Variants in CROCC2 observed in about 807,000 individuals in gnomAD.
CROCC2 encodes the protein ciliary rootlet coiled-coil, rootletin family member 2.
Under a neutral mutation model 177.6 loss-of-function variants are expected in CROCC2, and 163 were observed. That is an observed-to-expected ratio of 0.92 (90% CI 0.81 to 1.05). The LOEUF is 1.05. Among genes scored for constraint, CROCC2 ranks in the 50% least tolerant of loss-of-function variants. The pLI is 0.00. For synonymous variants in CROCC2, 904 were observed against 787.3 expected, an observed-to-expected ratio of 1.15 and a Z score of -2.48; for missense variants, 1,929 against 1,797.8, an observed-to-expected ratio of 1.07 and a Z score of -1.32.
rs2059728180 is a variant in CROCC2, at chr2:240,972,461, C to T, written c.4401+4199C>T. 6.6e-6 allele frequency among the ~76,000 whole-genome samples: 1 copy of T among 152,094 alleles called. No individual in the cohort carries two copies. Among genetic ancestry groups the T allele is most frequent in the Non-Finnish European group, 1.5e-5 (1 of 68,034 alleles). On this transcript the variant is annotated intron_variant, in intron 27 of 31. Coordinates refer to ENST00000690015, the MANE Select transcript of CROCC2 (RefSeq NM_001351305.2). The surrounding 1 kb of genome is among the most constrained non-coding windows in gnomAD (Gnocchi z 7.1). ...TCCCCGGGTCCCCCAGCCACAGCAACCCTCTTCCCTGAGGTCCTGGTAGTA... is the reference window on the plus strand; with the variant it reads ...TCCCCGGGTCCCCCAGCCACAGCAATCCTCTTCCCTGAGGTCCTGGTAGTA...
chr2:240,971,850 A>G (rs2059723119), intron 27 of CROCC2, among the ~76,000 whole-genome samples: 1 of 152,094 alleles, frequency 6.6e-6, no homozygotes, highest in South Asian at 2.1e-4. Flanking sequence ...CCAAGGTCCC[A>G]GGAGAATTTC....
At chr2:240,934,717 A>C (rs2059456148) in intron 12 of CROCC2, among the ~76,000 whole-genome samples, 199 bp from the exon 13 acceptor site, 1 of 151,798 alleles carries the variant, frequency 6.6e-6, no homozygotes. Context: ...ACCACCAGCC[A>C]CCTCCTCTGG....
At position 240,916,760 on chromosome 2, in the gene CROCC2, C is replaced by A. The variant is rs572357221; in HGVS notation, c.79-1966C>A. ...TGCCCGGGGGAGCGCAGGGCGGGAG[C>A]TGCTGAGCAGGCGGAGGGAGGGCGG... is the stretch of plus-strand genomic sequence containing the variant. On this transcript the variant is annotated intron_variant, in intron 1 of 31. Coordinates refer to ENST00000690015, the MANE Select transcript of CROCC2 (RefSeq NM_001351305.2). Among the ~76,000 whole-genome samples, 3 of 152,368 alleles carry A rather than the reference C, an allele frequency of 2.0e-5. No individual in the cohort carries two copies. In the South Asian group the frequency reaches 6.2e-4, roughly 32 times the overall value.
At chr2:240,970,448 T>G (rs1030085855) in intron 27 of CROCC2, among the ~76,000 whole-genome samples, 9 of 152,236 alleles carry the variant, frequency 5.9e-5, no homozygotes, top group African/African-American at 2.2e-4. Flanking sequence ...TAGGACACTT[T>G]CTCCTTTCCG....
rs2059463977 is a variant in CROCC2 at position 240,935,577 on chromosome 2, C to T, written c.2158C>T (p.Gln720Ter). 1.5e-6 allele frequency: 2 copies of T among 1,361,040 alleles called. No individual in the cohort carries two copies. The highest frequency in any genetic ancestry group is 3.3e-5 in the Admixed American group (1 of 30,184). 84.3% of individuals were successfully genotyped at this position (1,361,040 alleles called of 1,614,324 possible). A position where few individuals can be genotyped will look rare whatever the true frequency, so the allele number is the denominator to read the frequency against. ...LGREKAQLQE[Q>*]VGQVTCQKQA... ...GCGAGAGAAGGCCCAGCTCCAGGAG[C>T]AGGTGGGCCAGGTGAGGACGTCTGC... Residue 720 changes from glutamine (Q) to a stop codon, truncating the protein, a stop_gained, in exon 14 of 32, where the codon CAG (glutamine) becomes TAG (stop). Transcript: ENST00000690015. LOFTEE classifies it high-confidence loss of function.
intron 31 of CROCC2, among the ~76,000 whole-genome samples, chr2:240,992,352 C>A (rs1242622758): frequency 6.6e-6 from 1 of 152,232 alleles, no homozygotes; most frequent in Non-Finnish European, 1.5e-5. Flanking sequence ...TCCCGGCCCC[C>A]ACCCCATCAC....
In CROCC2 at chr2:240,935,413, G is replaced by A. The variant is rs546280298; in HGVS notation, c.1994G>A (p.Arg665Gln). The change falls in exon 14 of 32, where the codon CGG (arginine) becomes CAG (glutamine). Residue 665 changes from arginine to glutamine, a missense_variant. Transcript: ENST00000690015. ...REQRKTLEQE[R>Q]ARAGEQLAQA... ...CAGCGGAAGACTCTGGAGCAGGAAC[G>A]GGCCCGGGCCGGGGAGCAGCTGGCA... The A allele has an allele frequency of 3.5e-5, 48 of 1,374,168 alleles. No homozygotes were observed. The highest frequency in any genetic ancestry group is 2.2e-4 in the Admixed American group (7 of 31,398). 85.1% of individuals were successfully genotyped at this position (1,374,168 alleles called of 1,614,324 possible).
At chr2:240,921,348 G>T (rs188021209) in intron 3 of CROCC2, among the ~76,000 whole-genome samples, 23 of 152,324 alleles carry the variant, frequency 1.5e-4, no homozygotes, top group African/African-American at 5.3e-4. Flanking sequence ...GAGGGCAGGA[G>T]CTGGGGTCCA....
intron 21 of CROCC2, 188 bp from the exon 22 acceptor site, chr2:240,964,278 C>T (rs752904226): frequency 4.2e-5 from 28 of 663,066 alleles, no homozygotes; most frequent in Middle Eastern, 4.1e-4. Flanking sequence ...GCCATGCGGC[C>T]GGCACCGGGA....
intron 18 of CROCC2, among the ~76,000 whole-genome samples, chr2:240,951,962 C>A (rs935670096): frequency 1.3e-5 from 2 of 152,174 alleles, no homozygotes; most frequent in East Asian, 3.9e-4. Flanking sequence ...TATCATGCTA[C>A]CCCGAAGAAT....
chr2:240,978,617 C>G (rs1210675110), intron 27 of CROCC2, among the ~76,000 whole-genome samples: 5 of 1,512 alleles, frequency 3.3e-3, no homozygotes, highest in Admixed American at 6.3e-3. Flanking sequence ...CAGGCTCATC[C>G]CTGCTCAAGC....
In CROCC2 at chr2:240,975,857, G is replaced by C. The variant is rs1385619233; in HGVS notation, c.4402-7023G>C. Among the ~76,000 whole-genome samples, 6 of 150,786 alleles carry C rather than the reference G, an allele frequency of 4.0e-5. 1 individual carries two copies. Among genetic ancestry groups the C allele is most frequent in the East Asian group, 2.0e-4 (1 of 5,060 alleles). ...TGATTCTCCTGCCTCAGCCTCCCAA[G>C]TAGCTGAGATTACAGGCGCCCGCCA... On this transcript the variant is annotated intron_variant, in intron 27 of 31. Coordinates refer to ENST00000690015, the MANE Select transcript of CROCC2 (RefSeq NM_001351305.2).
rs1264623203 is a variant in CROCC2 at position 240,931,140 on chromosome 2, G to A, written c.947+12G>A. On this transcript the variant is annotated intron_variant, in intron 7 of 31. Coordinates refer to ENST00000690015, the MANE Select transcript of CROCC2 (RefSeq NM_001351305.2). ...GCGCTCCAGGCCAGGTGGGCGCCCA[G>A]GGCCAGCAAGCTTGCACAGGGAGGG... 1.4e-6 allele frequency: 1 copy of A among 706,218 alleles called. No individual in the cohort carries two copies. The highest frequency in any genetic ancestry group is 2.0e-5 in the Admixed American group (1 of 49,512). 43.7% of individuals were successfully genotyped at this position (706,218 alleles called of 1,614,324 possible). A position where few individuals can be genotyped will look rare whatever the true frequency, so the allele number is the denominator to read the frequency against.
rs1167098742 is a variant in CROCC2, at chr2:240,958,180, G to A, written c.2944-1121G>A. On this transcript the variant is annotated intron_variant, in intron 19 of 31. Transcript: ENST00000690015. This position sits in a 1 kb window ranked among gnomAD's most constrained non-coding sequence, Gnocchi z 6.7. ...AGGAGCACCAGGCGCCAGATGACAG[G>A]ACAGCGTGCGCCCCTAGGCTGAGTC... 4 of 985,254 alleles carry A rather than the reference G, an allele frequency of 4.1e-6. No individual in the cohort carries two copies. The highest frequency in any genetic ancestry group is 3.6e-6 in the Non-Finnish European group (3 of 829,908). 61.0% of individuals were successfully genotyped at this position (985,254 alleles called of 1,614,324 possible).
At position 240,930,288 on chromosome 2, in the gene CROCC2, AC is replaced by A. The variant is rs1012294657; in HGVS notation, c.749+21del. On this transcript the variant is annotated intron_variant, in intron 6 of 31. Transcript: ENST00000690015. ...CTGAGAGGTGAGTGCCAGCCGCCCC[AC>A]CTGGGGCCAGGCACCAGGCTGCAGG... is the stretch of plus-strand genomic sequence containing the variant. 5 of 496,596 alleles carry A rather than the reference AC, an allele frequency of 1.0e-5. No homozygotes were observed. The highest frequency in any genetic ancestry group is 1.8e-5 in the Non-Finnish European group (5 of 271,006). 30.8% of individuals were successfully genotyped at this position (496,596 alleles called of 1,614,324 possible).
intron 20 of CROCC2, among the ~76,000 whole-genome samples, chr2:240,961,102 G>C (rs764073589): frequency 6.6e-6 from 1 of 152,134 alleles, no homozygotes. Flanking sequence ...AACAATCACA[G>C]AGAAAAGCAA....
chr2:240,933,963 C>T (rs2059450601), intron 11 of CROCC2, 111 bp downstream of exon 11: 1 of 1,222,984 alleles, frequency 8.2e-7, no homozygotes, highest in South Asian at 1.5e-5. Context: ...CCTGTCTCAT[C>T]TCAGGGTGTG....
chr2:240,990,669 A>G (rs185315185), intron 30 of CROCC2, among the ~76,000 whole-genome samples: 13 of 152,186 alleles, frequency 8.5e-5, no homozygotes, highest in South Asian at 4.1e-4. Context: ...TGCAACCTCC[A>G]CCTGCTGGGT....
rs150454581 is a variant in CROCC2, at chr2:240,917,148, C to G, written c.79-1578C>G. 6.6e-6 allele frequency among the ~76,000 whole-genome samples: 1 copy of G among 152,050 alleles called. No homozygotes were observed. On this transcript the variant is annotated intron_variant, in intron 1 of 31. Coordinates refer to ENST00000690015, the MANE Select transcript of CROCC2 (RefSeq NM_001351305.2). This position sits in a 1 kb window ranked among gnomAD's most constrained non-coding sequence, Gnocchi z 4.9. Reference sequence around the variant, plus strand: ...AGACAGACCCTGGTGCACGGGCTGTCGGGAGGACGGGCGGGCTGGCCCCAG... The same window carrying G: ...AGACAGACCCTGGTGCACGGGCTGTGGGGAGGACGGGCGGGCTGGCCCCAG...
Sources: allele counts gnomAD v4.1 joint callset (sites outside exome capture counted in the v4.1 genomes callset), GRCh38; gene constraint gnomAD v4.1.1; non-coding constraint Gnocchi (gnomAD v3.1); transcripts MANE v1.5; gene names NCBI Gene and HGNC (gene_info 2026-07-23, HGNC 2026-07-21).